The following ATP6V0A2 variants were observed in gnomAD, a reference collection of about 807,000 sequenced individuals.
The protein encoded by ATP6V0A2 is ATPase H+ transporting V0 subunit a2, also known as V-type proton ATPase 116 kDa subunit a 2.
ATP6V0A2 carries 58 observed loss-of-function variants against 104.4 expected under a neutral mutation model. The observed-to-expected ratio is 0.56, with a 90% CI of 0.45 to 0.69. The LOEUF (loss-of-function observed/expected upper bound fraction) is 0.69. Among genes scored for constraint, ATP6V0A2 ranks in the 30% least tolerant of loss-of-function variants. The probability of loss-of-function intolerance (pLI) is 0.00; values close to 1 mark genes in which losing one functional copy is unlikely to be tolerated. For missense variants in ATP6V0A2, 938 were observed against 1,062.9 expected (o/e 0.88, Z 1.63); for synonymous variants, 376 against 397.9 (o/e 0.95, Z 0.65).
rs139680786 is a variant in ATP6V0A2 at position 123,737,073 on chromosome 12, C to A, written c.840C>A (p.Thr280=). Reference sequence around the variant, plus strand: ...TTCTTCCCCAGGTACTGCACAAAACCGAGGACTATTTGAGGCAAGTGCTAT... The same window carrying A: ...TTCTTCCCCAGGTACTGCACAAAACAGAGGACTATTTGAGGCAAGTGCTAT... The part of the protein sequence containing the change: ...IQDLYTVLHK[T]EDYLRQVLCK... Residue 280 remains threonine (T), a synonymous_variant, in exon 9 of 20, where the codon ACC becomes ACA. Coordinates refer to ENST00000330342, the MANE Select transcript of ATP6V0A2 (RefSeq NM_012463.4). 3.7e-6 allele frequency: 6 copies of A among 1,614,048 alleles called. No individual in the cohort carries two copies. The African/African-American group carries it at 6.7e-5, about 18-fold the overall frequency.
At chr12:123,747,549 G>A in intron 13 of ATP6V0A2, 58 bp from the exon 14 acceptor site, 2 of 1,111,030 alleles carry the variant, frequency 1.8e-6, no homozygotes, top group Non-Finnish European at 2.8e-6. Flanking sequence ...ACTTTCTTGA[G>A]TGTCACCTGT....
intron 9 of ATP6V0A2, among the ~76,000 whole-genome samples, chr12:123,739,371 C>T (rs944162363): frequency 2.0e-5 from 3 of 152,200 alleles, no homozygotes; most frequent in Non-Finnish European, 2.9e-5. Context: ...GTGACTGAGA[C>T]GTTCTCCAGT....
Position 123,756,863 on chromosome 12 carries a change from T to C in ATP6V0A2, c.2342T>C (p.Val781Ala). The part of the protein sequence containing the change: ...WAMLMRVGLR[V>A]DTTYGVLLLL... ...ATGCTGATGCGCGTGGGCCTCCGCG[T>C]TGACACCACCTATGGCGTCTTGCTA... is the stretch of plus-strand genomic sequence containing the variant. The change falls in exon 19 of 20, where the codon GTT becomes GCT. Residue 781 changes from valine to alanine, a missense_variant. Val to Ala is a moderately conservative substitution (Grantham distance 64, BLOSUM62 0). Coordinates refer to ENST00000330342, the MANE Select transcript of ATP6V0A2 (RefSeq NM_012463.4). 5 of 1,614,234 alleles carry C rather than the reference T, an allele frequency of 3.1e-6. No individual in the cohort carries two copies. Among genetic ancestry groups the C allele is most frequent in the Non-Finnish European group, 4.2e-6 (5 of 1,180,042 alleles).
intron 13 of ATP6V0A2, 80 bp downstream of exon 13, chr12:123,745,052 C>T: frequency 7.2e-7 from 1 of 1,385,098 alleles, no homozygotes; most frequent in Non-Finnish European, 1.0e-6. Context: ...TTTCTCTAGA[C>T]TGTTGAGCAG....
intron 9 of ATP6V0A2, among the ~76,000 whole-genome samples, chr12:123,739,337 T>G (rs1956586362): frequency 6.6e-6 from 1 of 152,342 alleles, no homozygotes; most frequent in Non-Finnish European, 1.5e-5. Context: ...TGTCCTGTCC[T>G]GTGTTATTTT....
At chr12:123,754,250 G>A in intron 17 of ATP6V0A2, 170 bp from the exon 18 acceptor site, 1 of 650,140 alleles carries the variant, frequency 1.5e-6, no homozygotes, top group Non-Finnish European at 2.8e-6. Flanking sequence ...TAGTGGCAGA[G>A]TGGTGAACAG....
chr12:123,745,457 A>G (rs940878640), intron 13 of ATP6V0A2, among the ~76,000 whole-genome samples: 1 of 152,194 alleles, frequency 6.6e-6, no homozygotes, highest in African/African-American at 2.4e-5. Flanking sequence ...CTGTAATTCC[A>G]GCACTTTGGG....
intron 3 of ATP6V0A2, chr12:123,723,935 A>G (rs900441728): frequency 6.6e-6 from 1 of 152,172 alleles, no homozygotes; most frequent in African/African-American, 2.4e-5. Context: ...GAATAAGCAG[A>G]CAAAGGAAAT....
chr12:123,754,230 T>C, intron 17 of ATP6V0A2, 190 bp from the exon 18 acceptor site: 1 of 622,686 alleles, frequency 1.6e-6, no homozygotes, highest in Non-Finnish European at 2.9e-6. Context: ...AGTCTGGTCA[T>C]GGAGCTGGGT....
At chr12:123,734,377 C>T (rs997023355) in intron 7 of ATP6V0A2, among the ~76,000 whole-genome samples, 2 of 152,100 alleles carry the variant, frequency 1.3e-5, no homozygotes, top group African/African-American at 4.8e-5. Flanking sequence ...GTCCTGGGTA[C>T]CCTGGGGCAG....
chr12:123,734,548 C>G (rs1041120217), intron 7 of ATP6V0A2, among the ~76,000 whole-genome samples: 5 of 152,122 alleles, frequency 3.3e-5, no homozygotes, highest in Non-Finnish European at 7.3e-5. Context: ...TCTTTTAGGA[C>G]TAAATGAAAT....
rs1465071935 is a variant in ATP6V0A2 at position 123,740,200 on chromosome 12, CTCTCT to C, written c.1038+2931_1038+2935del. Among the ~76,000 whole-genome samples the C allele has an allele frequency of 1.7e-4, 19 of 112,380 alleles. 1 individual carries two copies. Among genetic ancestry groups the C allele is most frequent in the Admixed American group, 1.0e-3 (9 of 8,994 alleles). 73.7% of individuals were successfully genotyped at this position (112,380 alleles called of 152,430 possible). ...GTGATTTTACAGAATGTCTCTCTCTCTCTCTTTTTTTTTTTTTTTGGAGATAGAGT... is the reference window on the plus strand; with the variant it reads ...GTGATTTTACAGAATGTCTCTCTCTCTTTTTTTTTTTTTTGGAGATAGAGT... On this transcript the variant is annotated intron_variant, in intron 9 of 19. Transcript: ENST00000330342.
At chr12:123,739,470 G>C (rs1956587440) in intron 9 of ATP6V0A2, among the ~76,000 whole-genome samples, 2 of 152,152 alleles carry the variant, frequency 1.3e-5, no homozygotes, top group South Asian at 4.1e-4. Flanking sequence ...TGTGTCTACA[G>C]GATGCCTTTT....
Position 123,757,082 on chromosome 12 carries a change from C to G in ATP6V0A2, c.2465+96C>G. The G allele has an allele frequency of 3.8e-6, 5 of 1,327,560 alleles. No homozygotes were observed. In the South Asian group the frequency reaches 6.1e-5, roughly 16 times the overall value. 82.2% of individuals were successfully genotyped at this position (1,327,560 alleles called of 1,614,324 possible). On this transcript the variant is annotated intron_variant, in intron 19 of 19. Coordinates refer to ENST00000330342, the MANE Select transcript of ATP6V0A2 (RefSeq NM_012463.4). Reference sequence around the variant, plus strand: ...CAAATATACACAGCCCCTGCAAAATCTAATGCTGAATTTAGGCCAGTTCTT... The same window carrying G: ...CAAATATACACAGCCCCTGCAAAATGTAATGCTGAATTTAGGCCAGTTCTT...
chr12:123,755,669 A>G (rs1394708760), intron 18 of ATP6V0A2, among the ~76,000 whole-genome samples: 3 of 151,992 alleles, frequency 2.0e-5, no homozygotes, highest in Non-Finnish European at 4.4e-5. Flanking sequence ...AAACTACCCT[A>G]ATAAACTTTT....
chr12:123,757,428 A>G (rs1365054079), intron 19 of ATP6V0A2, among the ~76,000 whole-genome samples: 1 of 125,134 alleles, frequency 8.0e-6, no homozygotes, highest in Non-Finnish European at 1.6e-5. Flanking sequence ...GGGACGAGCG[A>G]AACTCTGTGT....
intron 13 of ATP6V0A2, among the ~76,000 whole-genome samples, chr12:123,747,232 T>C (rs147581002): frequency 1.4e-4 from 21 of 152,344 alleles, no homozygotes; most frequent in Non-Finnish European, 2.6e-4. Flanking sequence ...ATAACACATG[T>C]ATGTCTCCTG....
intron 15 of ATP6V0A2, chr12:123,750,816 T>A (rs1336577945): frequency 9.6e-6 from 4 of 415,650 alleles, no homozygotes; most frequent in African/African-American, 6.1e-5. Flanking sequence ...TTACAGTGTT[T>A]ACAGAAAATG....
rs189971467 is a variant in ATP6V0A2 at position 123,761,334 on chromosome 12, A to G, written c.*3302A>G. The G allele has an allele frequency of 1.3e-5, 2 of 152,334 alleles. No individual in the cohort carries two copies. Among genetic ancestry groups the G allele is most frequent in the East Asian group, 3.9e-4 (2 of 5,186 alleles). The allele number at this position is 152,334 out of a possible 1,614,324, so 9.4% of individuals were successfully genotyped here. ...GAAAAGAAAAACAACTTCTACACCT[A>G]TTCTACAGTCCGCATTTAAAACAAT... On this transcript the variant is annotated 3_prime_UTR_variant, in exon 20 of 20. Coordinates refer to ENST00000330342, the MANE Select transcript of ATP6V0A2 (RefSeq NM_012463.4).
Sources: gnomAD v4.1 joint callset for allele counts (sites outside exome capture counted in the v4.1 genomes callset) on GRCh38, gnomAD v4.1.1 for gene constraint, MANE v1.5 for transcripts, NCBI Gene and HGNC (gene_info 2026-07-23, HGNC 2026-07-21) for gene names.